Variants in FNBP1L observed in about 807,000 individuals in gnomAD.
The protein encoded by FNBP1L is formin binding protein 1 like, also known as formin-binding protein 1-like.
A neutral mutation model predicts 91.2 loss-of-function variants in FNBP1L; 36 were observed. The ratio of observed to expected loss-of-function variants is 0.39; its 90% CI spans 0.30 to 0.52. FNBP1L has a LOEUF of 0.52. FNBP1L is among the 20% of genes least tolerant of loss of function. FNBP1L has a pLI of 0.66. For missense variants in FNBP1L, 571 were observed against 732.1 expected, an observed-to-expected ratio of 0.78 and a Z score of 2.54; for synonymous variants, 242 against 237.0, an observed-to-expected ratio of 1.02 and a Z score of -0.19.
At position 93,516,340 on chromosome 1, in the gene FNBP1L, C is replaced by CTA. The variant is rs529235649; in HGVS notation, c.141-5739_141-5738dup. Among the ~76,000 whole-genome samples, 9 of 152,302 alleles carry CTA rather than the reference C, an allele frequency of 5.9e-5. No homozygotes were observed. In the South Asian group the frequency reaches 1.9e-3, roughly 32 times the overall value. ...GCAGTCAAATGCTCTACCACCTGAG[C>CTA]TATACCCCCTTTACCTGTTAAAAGC... On this transcript the variant is annotated intron_variant, in intron 2 of 16. Coordinates refer to ENST00000271234, the MANE Select transcript of FNBP1L (RefSeq NM_001164473.3).
intron 1 of FNBP1L, among the ~76,000 whole-genome samples, chr1:93,471,914 G>A (rs937780033): frequency 7.9e-5 from 12 of 152,138 alleles, no homozygotes; most frequent in African/African-American, 2.9e-4. Context: ...TAATTTATGG[G>A]GGTGTTGGGT....
At chr1:93,449,523 C>A (rs975802288) in intron 1 of FNBP1L, among the ~76,000 whole-genome samples, 3 of 152,140 alleles carry the variant, frequency 2.0e-5, no homozygotes, top group African/African-American at 4.8e-5. Context: ...AAAATGTTTT[C>A]TTATTTTTCA....
chr1:93,493,615 C>T (rs1454286387), intron 1 of FNBP1L, among the ~76,000 whole-genome samples: 2 of 152,086 alleles, frequency 1.3e-5, no homozygotes, highest in African/African-American at 2.4e-5. Flanking sequence ...TGGAATCATA[C>T]AGTATTTGTC....
chr1:93,452,015 G>A (rs1340764852), intron 1 of FNBP1L, among the ~76,000 whole-genome samples: 2 of 152,190 alleles, frequency 1.3e-5, no homozygotes, highest in Non-Finnish European at 2.9e-5. Context: ...ACTGAAAAAT[G>A]TGGGTTGAGT....
intron 1 of FNBP1L, among the ~76,000 whole-genome samples, chr1:93,449,730 A>G (rs1488214142): frequency 6.6e-6 from 1 of 152,114 alleles, no homozygotes; most frequent in Non-Finnish European, 1.5e-5. Flanking sequence ...TTGTTCTTAT[A>G]TTGGGGAGGA....
chr1:93,525,320 C>A (rs1024950832), intron 5 of FNBP1L, among the ~76,000 whole-genome samples: 2 of 151,920 alleles, frequency 1.3e-5, no homozygotes, highest in East Asian at 1.9e-4. Flanking sequence ...GTTTTCTTTC[C>A]CTTTTAAAAA....
intron 1 of FNBP1L, among the ~76,000 whole-genome samples, chr1:93,477,067 A>G (rs1200773266): frequency 6.6e-6 from 1 of 152,232 alleles, no homozygotes; most frequent in Non-Finnish European, 1.5e-5. Flanking sequence ...TAATATTTGT[A>G]CCATATTGCC....
At chr1:93,474,877 T>G (rs1169187096) in intron 1 of FNBP1L, among the ~76,000 whole-genome samples, 1 of 152,224 alleles carries the variant, frequency 6.6e-6, no homozygotes, top group African/African-American at 2.4e-5. Flanking sequence ...ACACCTAGCT[T>G]CTTTTCTTTG....
At chr1:93,533,449 A>G (rs1002676461) in intron 8 of FNBP1L, among the ~76,000 whole-genome samples, 1 of 152,162 alleles carries the variant, frequency 6.6e-6, no homozygotes. Context: ...TGTGGGTAGC[A>G]TATGGAGTGA....
At chr1:93,485,353 T>C (rs921142763) in intron 1 of FNBP1L, among the ~76,000 whole-genome samples, 8 of 152,166 alleles carry the variant, frequency 5.3e-5, no homozygotes, top group South Asian at 2.1e-4. Context: ...TAAGAACATA[T>C]ACTATTTTAA....
chr1:93,479,792 C>T (rs941159058), intron 1 of FNBP1L, among the ~76,000 whole-genome samples: 3 of 152,172 alleles, frequency 2.0e-5, no homozygotes, highest in Non-Finnish European at 4.4e-5. Flanking sequence ...CCCTGAAAAT[C>T]GCTGTTATTC....
At chr1:93,452,873 G>A (rs542410646) in intron 1 of FNBP1L, among the ~76,000 whole-genome samples, 3 of 152,176 alleles carry the variant, frequency 2.0e-5, no homozygotes, top group African/African-American at 7.2e-5. Flanking sequence ...CAATAATTTT[G>A]TGTCTATTAT....
chr1:93,483,919 C>A (rs1274514444), intron 1 of FNBP1L, among the ~76,000 whole-genome samples: 2 of 152,162 alleles, frequency 1.3e-5, no homozygotes, highest in African/African-American at 4.8e-5. Context: ...TGTTTCTTAA[C>A]TCTGTTACTT....
chr1:93,537,480 A>G (rs1254333034), intron 10 of FNBP1L, among the ~76,000 whole-genome samples: 1 of 151,928 alleles, frequency 6.6e-6, no homozygotes, highest in East Asian at 1.9e-4. Context: ...AAGATATATT[A>G]GTTTAGGGAC....
intron 1 of FNBP1L, among the ~76,000 whole-genome samples, chr1:93,470,303 TTG>T: frequency 6.6e-6 from 1 of 152,214 alleles, no homozygotes; most frequent in East Asian, 1.9e-4. Flanking sequence ...GCTAATTTTT[TTG>T]TGTGTGGATA....
chr1:93,515,923 TAAA>T (rs1170312373), intron 2 of FNBP1L, among the ~76,000 whole-genome samples: 4 of 151,512 alleles, frequency 2.6e-5, no homozygotes, highest in African/African-American at 4.9e-5. Context: ...ATAATAATAA[TAAA>T]AAGAGATTTT....
intron 7 of FNBP1L, among the ~76,000 whole-genome samples, chr1:93,531,806 G>A (rs1000888998): frequency 1.3e-5 from 2 of 152,096 alleles, no homozygotes; most frequent in African/African-American, 4.8e-5. Context: ...TTTCTATGGA[G>A]CAATTCTGTG....
intron 5 of FNBP1L, 101 bp downstream of exon 5, chr1:93,524,424 T>A (rs553799979): frequency 3.8e-6 from 3 of 784,830 alleles, no homozygotes; most frequent in Non-Finnish European, 5.5e-6. Context: ...TGTTTCTCAG[T>A]GTATTATTAA....
At chr1:93,531,962 A>G (rs1455767887) in intron 7 of FNBP1L, among the ~76,000 whole-genome samples, 2 of 152,150 alleles carry the variant, frequency 1.3e-5, no homozygotes, top group African/African-American at 4.8e-5. Context: ...TATGTGTTCC[A>G]ACATATTTCC....
Sources: gnomAD v4.1 joint callset for allele counts (sites outside exome capture counted in the v4.1 genomes callset) on GRCh38, gnomAD v4.1.1 for gene constraint, MANE v1.5 for transcripts, NCBI Gene and HGNC (gene_info 2026-07-23, HGNC 2026-07-21) for gene names.